The following TMEM135 variants were observed in gnomAD, a reference collection of about 807,000 sequenced individuals.
TMEM135 encodes transmembrane protein 135.
In TMEM135, 30 loss-of-function variants were observed where a neutral mutation model predicts 60.3. That is an observed-to-expected ratio of 0.50 (90% CI 0.37 to 0.68). The LOEUF is 0.68. TMEM135 is among the 30% of genes least tolerant of loss of function. The pLI, the probability that TMEM135 is intolerant of heterozygous loss-of-function variation, is 0.00. For synonymous variants in TMEM135, 190 were observed against 186.7 expected, an observed-to-expected ratio of 1.02 and a Z score of -0.14; for missense variants, 468 against 548.8, an observed-to-expected ratio of 0.85 and a Z score of 1.47.
At chr11:87,057,996 G>A (rs1220420658) in intron 1 of TMEM135, among the ~76,000 whole-genome samples, 1 of 152,194 alleles carries the variant, frequency 6.6e-6, no homozygotes, top group African/African-American at 2.4e-5. Context: ...CCAGCAGGCT[G>A]TAGACCCAAG....
At chr11:87,219,746 T>C (rs1445009091) in intron 5 of TMEM135, among the ~76,000 whole-genome samples, 2 of 152,220 alleles carry the variant, frequency 1.3e-5, no homozygotes, top group African/African-American at 4.8e-5. Flanking sequence ...TAACTGACCA[T>C]AAGTTTTACA....
At chr11:87,284,689 T>G (rs1309552133) in intron 6 of TMEM135, among the ~76,000 whole-genome samples, 1 of 152,224 alleles carries the variant, frequency 6.6e-6, no homozygotes, top group Non-Finnish European at 1.5e-5. Context: ...TTTAATACAC[T>G]GGGGAATTTC....
At chr11:87,074,170 T>C (rs1856826451) in intron 3 of TMEM135, among the ~76,000 whole-genome samples, 1 of 152,200 alleles carries the variant, frequency 6.6e-6, no homozygotes, top group Non-Finnish European at 1.5e-5. Context: ...TTCGCCATGT[T>C]GGCCAGGCTG....
chr11:87,288,927 C>A lies in TMEM135; in HGVS notation c.510-6855C>A, dbSNP rs546053677. On this transcript the variant is annotated intron_variant, in intron 6 of 14. Coordinates refer to ENST00000305494, the MANE Select transcript of TMEM135 (RefSeq NM_022918.4). ...ATTGTTTGAGTCCAGGAGTTTAAGA[C>A]CAGCTTGGACAACATAGGGAGATCC... Among the ~76,000 whole-genome samples the A allele has an allele frequency of 6.6e-5, 10 of 152,188 alleles. No individual in the cohort carries two copies. The East Asian group carries it at 1.9e-3, about 29-fold the overall frequency.
At chr11:87,311,855 C>G (rs916894788) in intron 10 of TMEM135, among the ~76,000 whole-genome samples, 2 of 152,038 alleles carry the variant, frequency 1.3e-5, no homozygotes, top group East Asian at 1.9e-4. Flanking sequence ...CTCTTTATCT[C>G]TGGTAATATT....
chr11:87,282,336 C>A (rs2135421351), intron 6 of TMEM135, among the ~76,000 whole-genome samples: 1 of 152,216 alleles, frequency 6.6e-6, no homozygotes, highest in East Asian at 1.9e-4. Flanking sequence ...GCAATCTCGG[C>A]TCACTGCAAC....
intron 4 of TMEM135, among the ~76,000 whole-genome samples, chr11:87,102,524 A>G (rs1193237954): frequency 6.6e-6 from 1 of 152,114 alleles, no homozygotes; most frequent in African/African-American, 2.4e-5. Context: ...TTGACAGTTT[A>G]TTAAAAGGAT....
chr11:87,043,593 T>C (rs1003945764), intron 1 of TMEM135, among the ~76,000 whole-genome samples: 1 of 151,864 alleles, frequency 6.6e-6, no homozygotes, highest in Non-Finnish European at 1.5e-5. Context: ...CATGGTGGTG[T>C]GCACCTGTAG....
At chr11:87,297,851 C>T (rs750910323) in intron 7 of TMEM135, among the ~76,000 whole-genome samples, 1 of 152,206 alleles carries the variant, frequency 6.6e-6, no homozygotes, top group Non-Finnish European at 1.5e-5. Flanking sequence ...CGTAATCAAT[C>T]TGCAGTGTGG....
intron 6 of TMEM135, among the ~76,000 whole-genome samples, chr11:87,292,008 T>C (rs1001790944): frequency 6.6e-6 from 1 of 152,150 alleles, no homozygotes; most frequent in Admixed American, 6.5e-5. Context: ...TCCCCTATTT[T>C]GCTCCAGCTA....
intron 3 of TMEM135, among the ~76,000 whole-genome samples, chr11:87,080,053 GCTGGTC>G (rs900566524): frequency 2.0e-5 from 3 of 151,536 alleles, no homozygotes; most frequent in African/African-American, 7.3e-5. Context: ...TATTGGCCAG[GCTGGTC>G]TCGAACTCCT....
At chr11:87,137,969 A>T (rs1938149485) in intron 4 of TMEM135, among the ~76,000 whole-genome samples, 1 of 151,996 alleles carries the variant, frequency 6.6e-6, no homozygotes, top group Non-Finnish European at 1.5e-5. Context: ...GAAGTAACAT[A>T]CTGTTACTTC....
intron 6 of TMEM135, among the ~76,000 whole-genome samples, chr11:87,247,426 T>C (rs1941308040): frequency 6.6e-6 from 1 of 152,164 alleles, no homozygotes; most frequent in Non-Finnish European, 1.5e-5. Flanking sequence ...GTTACTGCTG[T>C]CTTTTTGTTT....
chr11:87,102,539 A>G (rs772950725), intron 4 of TMEM135, among the ~76,000 whole-genome samples: 3 of 152,082 alleles, frequency 2.0e-5, no homozygotes, highest in Admixed American at 6.6e-5. Flanking sequence ...AAGGATAAAC[A>G]TATACTTTTC....
At chr11:87,156,958 T>C (rs1938710325) in intron 4 of TMEM135, among the ~76,000 whole-genome samples, 1 of 152,220 alleles carries the variant, frequency 6.6e-6, no homozygotes, top group Admixed American at 6.5e-5. Context: ...GTTTGAGCTC[T>C]TAAAAGATTG....
At chr11:87,207,549 C>G (rs568413708) in intron 5 of TMEM135, among the ~76,000 whole-genome samples, 95 of 152,244 alleles carry the variant, frequency 6.2e-4, no homozygotes, top group Non-Finnish European at 1.2e-3. Context: ...ATAATCATCA[C>G]CATTTATTGA....
At chr11:87,110,012 C>G (rs1331184709) in intron 4 of TMEM135, among the ~76,000 whole-genome samples, 8 of 152,120 alleles carry the variant, frequency 5.3e-5, no homozygotes, top group Non-Finnish European at 2.9e-5. Context: ...TCTTCCTTCT[C>G]TACTGCCTGG....
At chr11:87,153,449 C>G (rs1938610324) in intron 4 of TMEM135, among the ~76,000 whole-genome samples, 1 of 152,142 alleles carries the variant, frequency 6.6e-6, no homozygotes, top group African/African-American at 2.4e-5. Context: ...TTATTGTCAG[C>G]AAGTATTACT....
At chr11:87,298,413 ATC>A (rs1942385543) in intron 7 of TMEM135, among the ~76,000 whole-genome samples, 2 of 152,296 alleles carry the variant, frequency 1.3e-5, no homozygotes, top group Admixed American at 6.5e-5. Context: ...ACTGTCCTTT[ATC>A]CATAAAGGAC....
Sources: allele counts gnomAD v4.1 joint callset (sites outside exome capture counted in the v4.1 genomes callset), GRCh38; gene constraint gnomAD v4.1.1; transcripts MANE v1.5; gene names NCBI Gene and HGNC (gene_info 2026-07-23, HGNC 2026-07-21).